Variants in CMTM4 observed in about 807,000 individuals in gnomAD.
CMTM4 encodes CKLF like MARVEL transmembrane domain containing 4, also known as CKLF-like MARVEL transmembrane domain-containing protein 4.
In CMTM4, 8 loss-of-function variants were observed where a neutral mutation model predicts 19.0. That is an observed-to-expected ratio of 0.42 (90% CI 0.25 to 0.76). CMTM4 has a LOEUF of 0.76. Ranked by LOEUF, CMTM4 falls within the 30% of genes least tolerant of loss-of-function variation. The pLI is 0.27. For synonymous variants in CMTM4, 106 were observed against 121.1 expected, an observed-to-expected ratio of 0.88 and a Z score of 0.82; for missense variants, 228 against 290.2, an observed-to-expected ratio of 0.79 and a Z score of 1.56.
At chr16:66,610,814 G>A (rs1386606631), downstream of CMTM4, 1 of 398,572 alleles carries the variant, frequency 2.5e-6, no homozygotes, top group Admixed American at 4.4e-5. This position sits in a 1 kb window ranked among gnomAD's most constrained non-coding sequence, Gnocchi z 4.6. Context: ...GGCAGGACCA[G>A]TAGGTTAGGC....
At chr16:66,674,070 G>A (rs1390855974) in intron 1 of CMTM4, among the ~76,000 whole-genome samples, 2 of 152,244 alleles carry the variant, frequency 1.3e-5, no homozygotes, top group Admixed American at 6.5e-5. Context: ...GAAGCACTTG[G>A]TTGGCTTTAG....
chr16:66,608,828 C>T, the CMTM4 span, among the ~76,000 whole-genome samples: 5 of 152,212 alleles, frequency 3.3e-5, no homozygotes, highest in South Asian at 2.1e-4. The surrounding 1 kb of genome is among the most constrained non-coding windows in gnomAD (Gnocchi z 5.1). Context: ...CAGGGCTTAC[C>T]CAGACTTCAG....
chr16:66,613,188 T>C (rs2015449243), downstream of CMTM4: 5 of 699,512 alleles, frequency 7.1e-6, no homozygotes, highest in African/African-American at 1.7e-5. Flanking sequence ...CAGGGAGAAA[T>C]TGACCTTTGC....
intron 1 of CMTM4, among the ~76,000 whole-genome samples, chr16:66,688,973 G>C (rs2144922442): frequency 6.6e-6 from 1 of 152,150 alleles, no homozygotes; most frequent in South Asian, 2.1e-4. Flanking sequence ...AATACTATTG[G>C]TTATCGTGTG....
At chr16:66,655,372 A>G (rs912023264) in intron 1 of CMTM4, among the ~76,000 whole-genome samples, 1 of 152,128 alleles carries the variant, frequency 6.6e-6, no homozygotes, top group Non-Finnish European at 1.5e-5. Context: ...TGAGGTCTCT[A>G]AATAATATTT....
intron 1 of CMTM4, among the ~76,000 whole-genome samples, chr16:66,665,008 A>G (rs2016566633): frequency 6.6e-6 from 1 of 152,042 alleles, no homozygotes; most frequent in Admixed American, 6.6e-5. Flanking sequence ...CAGTGGTGCA[A>G]TCACAGCTCA....
At chr16:66,689,488 C>T (rs1373307956) in intron 1 of CMTM4, among the ~76,000 whole-genome samples, 1 of 152,146 alleles carries the variant, frequency 6.6e-6, no homozygotes, top group African/African-American at 2.4e-5. Context: ...CGCGGCTCAC[C>T]GCAGCCTTGA....
At chr16:66,609,745 TC>T in the CMTM4 span, 2 of 1,578,272 alleles carry the variant, frequency 1.3e-6, no homozygotes, top group Non-Finnish European at 1.7e-6. The surrounding 1 kb of genome is among the most constrained non-coding windows in gnomAD (Gnocchi z 4.4). Flanking sequence ...TTTTCCCACT[TC>T]CGTTACTCAC....
Position 66,620,638 on chromosome 16 carries a change from G to A in CMTM4, c.*1420C>T. 4 of 985,620 alleles carry A rather than the reference G, an allele frequency of 4.1e-6. No individual in the cohort carries two copies. The highest frequency in any genetic ancestry group is 4.8e-6 in the Non-Finnish European group (4 of 829,920). 61.1% of individuals were successfully genotyped at this position (985,620 alleles called of 1,614,324 possible). On this transcript the variant is annotated 3_prime_UTR_variant, in exon 4 of 4. Coordinates refer to ENST00000394106, the MANE Select transcript of CMTM4 (RefSeq NM_181521.3). ...TACGCTGCTAAAGCTGTCAACATTT[G>A]TCAGCACTTGATCTTGGGGATTTCT...
In CMTM4 at chr16:66,696,717, C is replaced by T. The variant is rs950433196; in HGVS notation, c.-192G>A. 1 of 154,592 alleles carries T rather than the reference C, an allele frequency of 6.5e-6. No individual in the cohort carries two copies. Among genetic ancestry groups the T allele is most frequent in the Non-Finnish European group, 1.4e-5 (1 of 72,684 alleles). The allele number at this position is 154,592 out of a possible 1,614,324, so 9.6% of individuals were successfully genotyped here. On this transcript the variant is annotated 5_prime_UTR_variant, in exon 1 of 4. Transcript: ENST00000394106. The surrounding 1 kb of genome is among the most constrained non-coding windows in gnomAD (Gnocchi z 4.3). ...TGCGGCTCGGTCCGCTCGGGCTCGG[C>T]TCCCGCCGCCTCGGCAGCGGAAAGG... is the stretch of plus-strand genomic sequence containing the variant.
the CMTM4 span, among the ~76,000 whole-genome samples, chr16:66,602,889 G>A: frequency 2.6e-5 from 4 of 152,210 alleles, no homozygotes; most frequent in Admixed American, 1.3e-4. Flanking sequence ...TCACTCAGTA[G>A]TGAGCACATG....
At chr16:66,613,010 T>C, downstream of CMTM4, 1 of 702,092 alleles carries the variant, frequency 1.4e-6, no homozygotes, top group South Asian at 1.5e-5. Flanking sequence ...GGGGGTCTTC[T>C]GTTTCACTAA....
chr16:66,609,505 C>T, the CMTM4 span: 4 of 1,607,452 alleles, frequency 2.5e-6, no homozygotes, highest in South Asian at 1.1e-5. The surrounding 1 kb of genome is among the most constrained non-coding windows in gnomAD (Gnocchi z 4.4). Context: ...GCCAAGTACT[C>T]GGATGGGGCT....
At chr16:66,607,325 TACAGCTGGCCCCACCTTTC>T in the CMTM4 span, among the ~76,000 whole-genome samples, 5 of 152,238 alleles carry the variant, frequency 3.3e-5, no homozygotes, top group Non-Finnish European at 7.3e-5. Flanking sequence ...GTAGTTCAAG[TACAGCTGGCCCCACCTTTC>T]ACAGCTGGCC....
intron 2 of CMTM4, among the ~76,000 whole-genome samples, chr16:66,635,726 A>T (rs1048215671): frequency 2.0e-5 from 3 of 152,216 alleles, no homozygotes; most frequent in African/African-American, 7.2e-5. Flanking sequence ...GCTCTTGCAC[A>T]TGCTAATTTG....
At chr16:66,649,826 C>T (rs2016277738) in intron 1 of CMTM4, among the ~76,000 whole-genome samples, 1 of 152,156 alleles carries the variant, frequency 6.6e-6, no homozygotes, top group South Asian at 2.1e-4. Flanking sequence ...CCCCTAATCC[C>T]TGTACATGTC....
At position 66,622,126 on chromosome 16, in the gene CMTM4, A is replaced by G. The variant is rs767404833; in HGVS notation, c.559T>C (p.Tyr187His). ...VSVRQQSTND[Y>H]IRARTESRDV... Reference sequence around the variant, plus strand: ...CTGGACTCCGTGCGGGCTCGGATGTAGTCATTGGTGCTCTGCTGGCGGACG... The same window carrying G: ...CTGGACTCCGTGCGGGCTCGGATGTGGTCATTGGTGCTCTGCTGGCGGACG... The change falls in exon 4 of 4, where the codon TAC (tyrosine) becomes CAC (histidine). Residue 187 changes from tyrosine (Y) to histidine (H), a missense_variant. By Grantham distance (83) the Tyr-to-His change is moderately conservative. Transcript: ENST00000394106. The surrounding 1 kb of genome is among the most constrained non-coding windows in gnomAD (Gnocchi z 4.0). 4.3e-6 allele frequency: 7 copies of G among 1,611,286 alleles called. No individual in the cohort carries two copies. The highest frequency in any genetic ancestry group is 5.9e-6 in the Non-Finnish European group (7 of 1,178,862).
the CMTM4 span, among the ~76,000 whole-genome samples, chr16:66,599,166 T>G: frequency 6.6e-6 from 1 of 151,800 alleles, no homozygotes; most frequent in South Asian, 2.1e-4. Context: ...GATGCACACC[T>G]GTAATCTCAA....
chr16:66,670,223 G>C (rs370455507), intron 1 of CMTM4, among the ~76,000 whole-genome samples: 4 of 151,496 alleles, frequency 2.6e-5, no homozygotes, highest in East Asian at 3.9e-4. Context: ...AAGGCGGGCA[G>C]ATCACCTGAG....
Sources: allele counts gnomAD v4.1 joint callset (sites outside exome capture counted in the v4.1 genomes callset), GRCh38; gene constraint gnomAD v4.1.1; non-coding constraint Gnocchi (gnomAD v3.1); transcripts MANE v1.5; gene names NCBI Gene and HGNC (gene_info 2026-07-23, HGNC 2026-07-21).